The following TBC1D2B variants were observed in gnomAD, a reference collection of about 807,000 sequenced individuals.
The protein encoded by TBC1D2B is TBC1 domain family, member 2B.
Under a neutral mutation model 100.8 loss-of-function variants are expected in TBC1D2B, and 64 were observed. The observed-to-expected ratio is 0.64, with a 90% CI of 0.52 to 0.78. The LOEUF is 0.78. Among genes scored for constraint, TBC1D2B ranks in the 30% least tolerant of loss-of-function variants. TBC1D2B has a pLI of 0.00. For missense variants in TBC1D2B, 1,052 were observed against 1,218.4 expected (o/e 0.86, Z 2.03); for synonymous variants, 480 against 479.7 (o/e 1.00, Z -0.01).
chr15:78,047,100 C>T (rs2073212080), intron 2 of TBC1D2B, among the ~76,000 whole-genome samples: 1 of 151,578 alleles, frequency 6.6e-6, no homozygotes, highest in Non-Finnish European at 1.5e-5. Flanking sequence ...AGGGTTCTGA[C>T]TAAGAAAAGC....
rs562305695 is a variant in TBC1D2B at position 78,058,359 on chromosome 15, A to G, written c.361-4172T>C. ...GCCAACACCATTGCCCTTCTACAGC[A>G]CTTTACAACTCAAGATAACTTCTCT... On this transcript the variant is annotated intron_variant, in intron 1 of 12. Transcript: ENST00000300584. Among the ~76,000 whole-genome samples the G allele has an allele frequency of 2.6e-5, 4 of 152,296 alleles. No homozygotes were observed. The South Asian group carries it at 8.3e-4, about 32-fold the overall frequency.
At chr15:78,054,269 T>C (rs928569045) in intron 1 of TBC1D2B, 82 bp from the exon 2 acceptor site, 189 of 1,346,048 alleles carry the variant, frequency 1.4e-4, no homozygotes, top group Non-Finnish European at 2.1e-5. Flanking sequence ...ATGAGTAGAC[T>C]GTTCAGCTTG....
intron 1 of TBC1D2B, among the ~76,000 whole-genome samples, chr15:78,076,012 G>C (rs1316479695): frequency 6.6e-6 from 1 of 152,138 alleles, no homozygotes; most frequent in Non-Finnish European, 1.5e-5. Context: ...CCTGGAATAC[G>C]GAAGAGGAGT....
chr15:78,054,218 G>A (rs1375215180), intron 1 of TBC1D2B, 31 bp from the exon 2 acceptor site: 1 of 1,601,232 alleles, frequency 6.2e-7, no homozygotes, highest in Admixed American at 1.7e-5. Context: ...AACATGTTAT[G>A]GCCACCAGTA....
chr15:78,051,041 G>A (rs145550211), intron 2 of TBC1D2B, among the ~76,000 whole-genome samples: 2,077 of 152,294 alleles, frequency 0.014, 27 homozygotes, highest in Middle Eastern at 0.041. Context: ...ACCCCCAGGG[G>A]CAGCTAGCAT....
In TBC1D2B at chr15:78,046,622, C is replaced by T. The variant is rs567525981; in HGVS notation, c.515-1554G>A. ...GCTGGGACTACAGGCACGCACGATG[C>T]CCAGCTAATTTTTGTATTTTTTTTT... On this transcript the variant is annotated intron_variant, in intron 2 of 12. Coordinates refer to ENST00000300584, the MANE Select transcript of TBC1D2B (RefSeq NM_144572.2). 1.4e-3 allele frequency among the ~76,000 whole-genome samples: 217 copies of T among 152,020 alleles called. 1 individual carries two copies. The highest frequency in any genetic ancestry group is 2.4e-3 in the Non-Finnish European group (164 of 68,004).
intron 3 of TBC1D2B, among the ~76,000 whole-genome samples, chr15:78,040,862 G>GAAAGAA (rs1555420848): frequency 7.3e-6 from 1 of 137,392 alleles, no homozygotes; most frequent in African/African-American, 2.8e-5. Context: ...AAGGAAGAAA[G>GAAAGAA]AAAGAAAGAA....
chr15:78,073,539 C>T (rs1567037532), intron 1 of TBC1D2B, among the ~76,000 whole-genome samples: 1 of 152,098 alleles, frequency 6.6e-6, no homozygotes, highest in East Asian at 1.9e-4. Flanking sequence ...TAAAGTGAAA[C>T]ATTAAGGCTT....
chr15:78,077,197 G>A, intron 1 of TBC1D2B, 96 bp downstream of exon 1: 1 of 1,374,552 alleles, frequency 7.3e-7, no homozygotes, highest in Non-Finnish European at 9.4e-7. Context: ...GGGGCGAGGA[G>A]GCCTTGGAGG....
chr15:78,015,938 G>T (rs145122553), intron 8 of TBC1D2B, among the ~76,000 whole-genome samples: 1 of 152,276 alleles, frequency 6.6e-6, no homozygotes, highest in African/African-American at 2.4e-5. Flanking sequence ...GGGCCTACAG[G>T]GGTGGGGCAG....
At chr15:78,069,236 G>C (rs997889725) in intron 1 of TBC1D2B, among the ~76,000 whole-genome samples, 41 of 152,294 alleles carry the variant, frequency 2.7e-4, no homozygotes, top group African/African-American at 8.9e-4. Flanking sequence ...TATGAGCAAA[G>C]CAAGTGCAGC....
chr15:78,070,369 T>G (rs138886565), intron 1 of TBC1D2B, among the ~76,000 whole-genome samples: 1 of 151,602 alleles, frequency 6.6e-6, no homozygotes, highest in Non-Finnish European at 1.5e-5. Context: ...GATCCTGAAC[T>G]ATACATGCAT....
At chr15:78,050,803 GA>G (rs1318931571) in intron 2 of TBC1D2B, among the ~76,000 whole-genome samples, 2 of 152,026 alleles carry the variant, frequency 1.3e-5, no homozygotes, top group Non-Finnish European at 2.9e-5. Context: ...ACAGATTCTA[GA>G]AAAAAAATTA....
rs563590918 is a variant in TBC1D2B at position 78,036,241 on chromosome 15, T to C, written c.684-6071A>G. On this transcript the variant is annotated intron_variant, in intron 3 of 12. Transcript: ENST00000300584. ...TGTACCCCTCAGCAATGATTGATTT[T>C]TCTTTTTATACGCATGCACGCTTAT... Among the ~76,000 whole-genome samples, 25 of 152,338 alleles carry C rather than the reference T, an allele frequency of 1.6e-4. No individual in the cohort carries two copies. The South Asian group carries it at 5.0e-3, about 30-fold the overall frequency.
At chr15:78,047,750 C>A (rs765605120) in intron 2 of TBC1D2B, among the ~76,000 whole-genome samples, 2 of 152,158 alleles carry the variant, frequency 1.3e-5, no homozygotes, top group Admixed American at 1.3e-4. Flanking sequence ...CTGCAGTATA[C>A]AAATATTGCA....
chr15:78,025,374 C>A lies in TBC1D2B; in HGVS notation c.971G>T (p.Gly324Val), dbSNP rs750097405. ...RHSSGDPSSEGTSGSGSVSIR... is the reference protein window; with the variant it reads ...RHSSGDPSSEVTSGSGSVSIR... The stretch of plus-strand genomic sequence containing the variant: ...GCTGACGCTGCCACTGCCTGATGTG[C>A]CTTCACTTGAAGGGTCACCACTGCT... Residue 324 changes from glycine (G) to valine (V), a missense_variant, in exon 5 of 13, where the codon GGC (glycine) becomes GTC (valine). Transcript: ENST00000300584. 4.3e-6 allele frequency: 7 copies of A among 1,613,838 alleles called. No individual in the cohort carries two copies. Among genetic ancestry groups the A allele is most frequent in the Non-Finnish European group, 5.1e-6 (6 of 1,179,882 alleles).
chr15:78,016,451 C>G, intron 8 of TBC1D2B, 95 bp downstream of exon 8: 1 of 1,167,336 alleles, frequency 8.6e-7, no homozygotes, highest in Non-Finnish European at 1.2e-6. Flanking sequence ...ATGAGACACA[C>G]AGTTGTGTAC....
chr15:78,037,044 A>G (rs1405701698), intron 3 of TBC1D2B, among the ~76,000 whole-genome samples: 2 of 152,170 alleles, frequency 1.3e-5, no homozygotes, highest in African/African-American at 4.8e-5. Context: ...CAGAGCAAAC[A>G]CCTAATAAAC....
chr15:78,046,918 A>C (rs7170286), intron 2 of TBC1D2B, among the ~76,000 whole-genome samples: 1 of 152,164 alleles, frequency 6.6e-6, no homozygotes, highest in Admixed American at 6.5e-5. Context: ...CCTGAATGCC[A>C]CATGATGGGC....
Sources: allele counts gnomAD v4.1 joint callset (sites outside exome capture counted in the v4.1 genomes callset), GRCh38; gene constraint gnomAD v4.1.1; transcripts MANE v1.5; gene names NCBI Gene and HGNC (gene_info 2026-07-23, HGNC 2026-07-21).